The following BCAR1 variants were observed in gnomAD, a reference collection of about 807,000 sequenced individuals.
BCAR1 encodes breast cancer anti-estrogen resistance protein 1.
In BCAR1, 30 loss-of-function variants were observed where a neutral mutation model predicts 67.6. The observed-to-expected ratio is 0.44, with a 90% CI of 0.33 to 0.60. The LOEUF (loss-of-function observed/expected upper bound fraction) is 0.60, where lower values mean the gene tolerates loss of function less well. BCAR1 is among the 20% of genes least tolerant of loss of function. The pLI is 0.02. For missense variants in BCAR1, 1,313 were observed against 1,222.3 expected, an observed-to-expected ratio of 1.07 and a Z score of -1.11; for synonymous variants, 626 against 556.7, an observed-to-expected ratio of 1.12 and a Z score of -1.75.
upstream of BCAR1, chr16:75,256,304 G>C (rs1436804404): frequency 1.2e-5 from 1 of 83,230 alleles, no homozygotes; most frequent in Non-Finnish European, 2.2e-5. Flanking sequence ...TTACCATAAA[G>C]GGCTTCCCAT....
At chr16:75,244,716 G>A (rs1226264989) in intron 1 of BCAR1, among the ~76,000 whole-genome samples, 2 of 152,212 alleles carry the variant, frequency 1.3e-5, no homozygotes, top group Non-Finnish European at 2.9e-5. Flanking sequence ...GCCCAAGGGA[G>A]GGGCCAGGGG....
At chr16:75,231,762 G>A (rs1348511881) in intron 6 of BCAR1, among the ~76,000 whole-genome samples, 4 of 152,230 alleles carry the variant, frequency 2.6e-5, no homozygotes, top group African/African-American at 7.2e-5. Context: ...GGGGACTGGT[G>A]AAGTCAGTGC....
At chr16:75,244,110 G>T (rs2077442497) in intron 1 of BCAR1, among the ~76,000 whole-genome samples, 1 of 152,218 alleles carries the variant, frequency 6.6e-6, no homozygotes. Context: ...GTGCCAGGCT[G>T]GCTGGACAGT....
At chr16:75,248,332 C>T (rs554295611) in intron 1 of BCAR1, 1 of 1,356,070 alleles carries the variant, frequency 7.4e-7, no homozygotes, top group African/African-American at 1.5e-5. Context: ...ACACTGACTT[C>T]TTTCATACCC....
chr16:75,235,129 G>C lies in BCAR1; in HGVS notation c.1770C>G (p.Ala590=). The C allele has an allele frequency of 3.1e-6, 5 of 1,609,948 alleles. No homozygotes were observed. Among genetic ancestry groups the C allele is most frequent in the African/African-American group, 1.3e-5 (1 of 75,060 alleles). Residue 590 remains alanine (A), a synonymous_variant, in exon 5 of 7, where the codon GCC becomes GCG. Coordinates refer to ENST00000162330, the MANE Select transcript of BCAR1 (RefSeq NM_014567.5). The stretch of plus-strand genomic sequence containing the variant: ...CGTGCAGGAAGGAGGCCAGCTGCTT[G>C]GCGTCCTCGGGCACAGCCCGCGAGC... ...VACSRAVPED[A]KQLASFLHGN...
chr16:75,251,635 C>T (rs1473718385), upstream of BCAR1: 7 of 1,004,202 alleles, frequency 7.0e-6, no homozygotes, highest in East Asian at 1.1e-4. Flanking sequence ...AGCCGCTCTC[C>T]GCCTGCCGCC....
At chr16:75,252,224 G>A, upstream of BCAR1, 1 of 1,536,650 alleles carries the variant, frequency 6.5e-7, no homozygotes, top group Non-Finnish European at 8.7e-7. Context: ...CTTTTCACGG[G>A]CAGCACCTAC....
chr16:75,235,329 T>C lies in BCAR1; in HGVS notation c.1570A>G (p.Ser524Gly). ...GTGTGGGCAGCATTGCCCACCGCGC[T>C]GCGGGCAAACTCCAACAGCTCGTGG... is the stretch of plus-strand genomic sequence containing the variant. Reference protein sequence around the residue: ...AVHELLEFARSAVGNAAHTSD... With the variant: ...AVHELLEFARGAVGNAAHTSD... The change falls in exon 5 of 7, where the codon AGC (serine) becomes GGC (glycine). Residue 524 changes from serine to glycine, a missense_variant. Around this residue, in one of 2 missense-constraint regions of BCAR1, gnomAD observed 1,272 missense variants for 1,137.5 expected, o/e 1.12. Transcript: ENST00000162330. 6.2e-7 allele frequency: 1 copy of C among 1,602,078 alleles called. No homozygotes were observed. The highest frequency in any genetic ancestry group is 8.5e-7 in the Non-Finnish European group (1 of 1,172,162).
rs764036962 is a variant in BCAR1 at position 75,235,504 on chromosome 16, C to T, written c.1395G>A (p.Arg465=). The T allele has an allele frequency of 3.7e-5, 59 of 1,597,748 alleles. No individual in the cohort carries two copies. The highest frequency in any genetic ancestry group is 5.0e-5 in the Non-Finnish European group (59 of 1,173,322). Residue 465 remains arginine (R), a synonymous_variant, in exon 5 of 7, where the codon CGG becomes CGA. Coordinates refer to ENST00000162330, the MANE Select transcript of BCAR1 (RefSeq NM_014567.5). ...ELEVAVEALA[R]LQQGVSATVA... is the part of the protein sequence containing the mutation. Reference sequence around the variant, plus strand: ...CGGTGGCGCTCACACCCTGCTGCAGCCGTGCCAGGGCCTCCACAGCAACTT... The same window carrying T: ...CGGTGGCGCTCACACCCTGCTGCAGTCGTGCCAGGGCCTCCACAGCAACTT...
In BCAR1 at chr16:75,242,992, C is replaced by T. The variant is rs367664237; in HGVS notation, c.111G>A (p.Thr37=). 54 of 1,613,448 alleles carry T rather than the reference C, an allele frequency of 3.3e-5. 1 individual carries two copies. The highest frequency in any genetic ancestry group is 2.7e-4 in the African/African-American group (20 of 74,916). Residue 37 remains threonine (T), a synonymous_variant, in exon 2 of 7, where the codon ACG becomes ACA. Coordinates refer to ENST00000162330, the MANE Select transcript of BCAR1 (RefSeq NM_014567.5). The part of the protein sequence containing the change: ...GDIMTVLEQD[T]QGLDGWWLCS... ...AGAGCCACCAGCCGTCCAGGCCCTG[C>T]GTGTCCTGCTCCAGCACCGTCATGA...
Position 75,235,783 on chromosome 16 carries a change from G to C in BCAR1, c.1116C>G (p.Tyr372Ter). 1 of 1,594,202 alleles carries C rather than the reference G, an allele frequency of 6.3e-7. No homozygotes were observed. Among genetic ancestry groups the C allele is most frequent in the Non-Finnish European group, 8.6e-7 (1 of 1,169,422 alleles). The change falls in exon 5 of 7, where the codon TAC becomes TAG. Residue 372 changes from tyrosine (Y) to a stop codon, truncating the protein, a stop_gained. Coordinates refer to ENST00000162330, the MANE Select transcript of BCAR1 (RefSeq NM_014567.5). LOFTEE classifies it high-confidence loss of function. Reference sequence around the variant, plus strand: ...GCCGCCGCAAGCCAGGGGGCACGTCGTAGAGGTCAGGAGCCGGGGGCGGCA... The same window carrying C: ...GCCGCCGCAAGCCAGGGGGCACGTCCTAGAGGTCAGGAGCCGGGGGCGGCA... ...YDVPPPAPDL[Y>*]DVPPGLRRPG... is the part of the protein sequence containing the mutation.
chr16:75,248,327 G>A, intron 1 of BCAR1: 1 of 1,358,204 alleles, frequency 7.4e-7, no homozygotes, highest in South Asian at 1.6e-5. Context: ...GGGAAACACT[G>A]ACTTCTTTCA....
chr16:75,264,734 T>G, intron 1 of BCAR1: 1 of 1,065,804 alleles, frequency 9.4e-7, no homozygotes, highest in Non-Finnish European at 1.2e-6. Flanking sequence ...AAGAGGCCAC[T>G]TGCCAGAAAG....
At chr16:75,252,608 G>A (rs773488334), upstream of BCAR1, among the ~76,000 whole-genome samples, 4 of 151,796 alleles carry the variant, frequency 2.6e-5, no homozygotes, top group Non-Finnish European at 4.4e-5. Context: ...GACCAGACAG[G>A]ACCCTCAGTC....
intron 1 of BCAR1, chr16:75,250,713 G>A (rs1356071638): frequency 1.0e-6 from 1 of 985,482 alleles, no homozygotes; most frequent in Non-Finnish European, 1.2e-6. Context: ...AGGGAGCTCC[G>A]ACCCTGCTCT....
chr16:75,251,729 G>C, upstream of BCAR1: 1 of 972,818 alleles, frequency 1.0e-6, no homozygotes, highest in Non-Finnish European at 1.2e-6. Flanking sequence ...CAAATAAGCC[G>C]CCTGTCGGGG....
rs2077092146 is a variant in BCAR1, at chr16:75,235,640, G to A, written c.1259C>T (p.Ala420Val). ...YAVPPPAERE[A>V]PAEGKRLSAS... ...CGACAGGCGCTTGCCCTCTGCCGGG[G>A]CTTCACGTTCAGCTGGGGGAGGCAC... Residue 420 changes from alanine to valine, a missense_variant, in exon 5 of 7, where the codon GCC (alanine) becomes GTC (valine). Ala to Val is a moderately conservative substitution (Grantham distance 64). Around this residue, in one of 2 missense-constraint regions of BCAR1, gnomAD observed 1,272 missense variants for 1,137.5 expected, o/e 1.12. Transcript: ENST00000162330. The A allele has an allele frequency of 6.2e-7, 1 of 1,607,608 alleles. No individual in the cohort carries two copies. The highest frequency in any genetic ancestry group is 8.5e-7 in the Non-Finnish European group (1 of 1,176,358).
Position 75,234,900 on chromosome 16 carries a change from C to G in BCAR1, c.1999G>C (p.Val667Leu). The change falls in exon 5 of 7, where the codon GTC becomes CTC. Residue 667 changes from valine (V) to leucine (L), a missense_variant. Physicochemically the swap from Val to Leu is conservative, Grantham distance 32. This residue lies in a region of BCAR1 where 1,272 missense variants were observed against 1,137.5 expected (regional missense o/e 1.12). Transcript: ENST00000162330. ...CAGGCGGCACCCACCTGTAGGTGGACGTAGTCATAGTCCTCCATCCAGCCC... is the reference window on the plus strand; with the variant it reads ...CAGGCGGCACCCACCTGTAGGTGGAGGTAGTCATAGTCCTCCATCCAGCCC... ...EGGWMEDYDY[V>L]HLQGKEEFEK... 6.5e-7 allele frequency: 1 copy of G among 1,534,826 alleles called. No homozygotes were observed.
intron 2 of BCAR1, among the ~76,000 whole-genome samples, chr16:75,240,522 T>C (rs1182153926): frequency 1.3e-5 from 2 of 152,216 alleles, no homozygotes; most frequent in Non-Finnish European, 2.9e-5. Context: ...AACTTTGAAA[T>C]GCAAAACTGC....
Sources: allele counts gnomAD v4.1 joint callset (sites outside exome capture counted in the v4.1 genomes callset), GRCh38; gene constraint gnomAD v4.1.1; regional missense constraint gnomAD v4.1.1; transcripts MANE v1.5; gene names NCBI Gene and HGNC (gene_info 2026-07-23, HGNC 2026-07-21).